The following NRG4 variants were observed in gnomAD, a reference collection of about 807,000 sequenced individuals.
NRG4 encodes the protein neuregulin 4, also known as pro-neuregulin-4, membrane-bound isoform.
Under a neutral mutation model 15.0 loss-of-function variants are expected in NRG4, and 10 were observed. The ratio of observed to expected loss-of-function variants is 0.67; its 90% CI spans 0.41 to 1.13. The LOEUF (loss-of-function observed/expected upper bound fraction) is 1.13. Among genes scored for constraint, NRG4 ranks in the 50% most tolerant of loss-of-function variants. NRG4 has a pLI of 0.00. For synonymous variants in NRG4, 41 were observed against 50.1 expected (o/e 0.82, Z 0.77); for missense variants, 139 against 140.2 (o/e 0.99, Z 0.04).
In NRG4 at chr15:76,019,769, G is replaced by A. The variant is rs1028090395; in HGVS notation, c.-56-8483C>T. Among the ~76,000 whole-genome samples, 5 of 120,320 alleles carry A rather than the reference G, an allele frequency of 4.2e-5. No homozygotes were observed. The East Asian group carries it at 1.0e-3, about 24-fold the overall frequency. The allele number at this position is 120,320 out of a possible 152,430, so 78.9% of individuals were successfully genotyped here. On this transcript the variant is annotated intron_variant, in intron 5 of 8. Coordinates refer to the NRG4 transcript ENST00000563910. ...TGTGTTGATCTCGCTGGGAGCTGCA[G>A]ACCAGAGCTGTTCCTATTCGGCCAT...
chr15:75,965,379 A>C (rs2032749745), intron 3 of NRG4, among the ~76,000 whole-genome samples: 1 of 152,244 alleles, frequency 6.6e-6, no homozygotes, highest in Non-Finnish European at 1.5e-5. Context: ...AAAGGCATAC[A>C]AAGTAAACCA....
At chr15:75,998,156 ATACT>A (rs1346050054) in intron 3 of NRG4, among the ~76,000 whole-genome samples, 1 of 152,216 alleles carries the variant, frequency 6.6e-6, no homozygotes, top group Non-Finnish European at 1.5e-5. Flanking sequence ...CACTCAACAG[ATACT>A]TACCGAAAAC....
chr15:75,996,452 C>T (rs749459572), intron 3 of NRG4, among the ~76,000 whole-genome samples: 1 of 152,022 alleles, frequency 6.6e-6, no homozygotes, highest in African/African-American at 2.4e-5. Context: ...ACAAATGAGC[C>T]TTGCTTTTTA....
At position 75,956,016 on chromosome 15, in the gene NRG4, C is replaced by T. The variant is rs1272875171; in HGVS notation, c.252-5G>A. On this transcript the variant is annotated splice_region_variant and splice_polypyrimidine_tract_variant and intron_variant, in intron 4 of 5. Transcript: ENST00000394907. ...GCTCTCTGAAAGTGGCCTTTCCTGA[C>T]AATAAAGAGGAGAGAAACACAAAAA... 2 of 1,575,554 alleles carry T rather than the reference C, an allele frequency of 1.3e-6. No homozygotes were observed. Among genetic ancestry groups the T allele is most frequent in the Non-Finnish European group, 1.7e-6 (2 of 1,146,102 alleles).
At chr15:75,971,792 A>G (rs566824467) in intron 3 of NRG4, among the ~76,000 whole-genome samples, 2 of 152,322 alleles carry the variant, frequency 1.3e-5, no homozygotes, top group Admixed American at 6.5e-5. Context: ...TAAGTTCATA[A>G]TAAGAGTAAA....
rs562599362 is a variant in NRG4 at position 75,945,249 on chromosome 15, A to T, written c.332-1595T>A. On this transcript the variant is annotated intron_variant, in intron 5 of 5. Coordinates refer to ENST00000394907, the MANE Select transcript of NRG4 (RefSeq NM_138573.4). ...AATCTTTCCATTCTCTGATATATAT[A>T]TTTTTTATCATTTATTTTTATTTTA... Among the ~76,000 whole-genome samples the T allele has an allele frequency of 2.7e-3, 375 of 136,992 alleles. 3 individuals are homozygous for T. The highest frequency in any genetic ancestry group is 9.6e-3 in the African/African-American group (356 of 37,220). 89.9% of individuals were successfully genotyped at this position (136,992 alleles called of 152,430 possible).
chr15:76,039,510 T>C (rs1477167215), intron 4 of NRG4, among the ~76,000 whole-genome samples: 1 of 152,114 alleles, frequency 6.6e-6, no homozygotes, highest in Non-Finnish European at 1.5e-5. Context: ...AATAGTAGAA[T>C]TGATCAAGCA....
rs180956494 is a variant in NRG4 at position 75,977,742 on chromosome 15, C to T, written c.105-15768G>A. Among the ~76,000 whole-genome samples, 1 of 152,308 alleles carries T rather than the reference C, an allele frequency of 6.6e-6. No individual in the cohort carries two copies. The highest frequency in any genetic ancestry group is 2.4e-5 in the African/African-American group (1 of 41,582). On this transcript the variant is annotated intron_variant, in intron 3 of 5. Coordinates refer to ENST00000394907, the MANE Select transcript of NRG4 (RefSeq NM_138573.4). This position sits in a 1 kb window ranked among gnomAD's most constrained non-coding sequence, Gnocchi z 4.9. ...ATTGGTCTCGCTGGGAGCTGCAGAC[C>T]AGAGCTGTTCCTATTTGGCCATCTT... is the stretch of plus-strand genomic sequence containing the variant.
chr15:75,956,706 G>A (rs1045015952), intron 4 of NRG4, among the ~76,000 whole-genome samples: 35 of 151,990 alleles, frequency 2.3e-4, no homozygotes, highest in African/African-American at 8.0e-4. Flanking sequence ...AGCATTAGTG[G>A]GGTATCATTT....
chr15:76,032,874 A>G (rs2035507920), intron 5 of NRG4, among the ~76,000 whole-genome samples: 2 of 152,246 alleles, frequency 1.3e-5, no homozygotes, highest in South Asian at 2.1e-4. Context: ...TTAGAGTAAA[A>G]TATCACTTTG....
chr15:75,959,653 C>G (rs2032420231), intron 4 of NRG4, among the ~76,000 whole-genome samples: 1 of 151,846 alleles, frequency 6.6e-6, no homozygotes, highest in Non-Finnish European at 1.5e-5. Flanking sequence ...TACCACCATG[C>G]CCTGCTAATT....
At position 75,990,262 on chromosome 15, in the gene NRG4, T is replaced by A. The variant is rs373475705; in HGVS notation, c.104+18938A>T. Among the ~76,000 whole-genome samples the A allele has an allele frequency of 2.2e-4, 34 of 152,284 alleles. No individual in the cohort carries two copies. The East Asian group carries it at 6.4e-3, about 29-fold the overall frequency. ...TTCTCTTACACAGCTTCCTCTTCTC[T>A]GGTAGTGCATCCACAAATTTCAGCC... On this transcript the variant is annotated intron_variant, in intron 3 of 5. Transcript: ENST00000394907.
chr15:76,034,659 G>A (rs1027645665), intron 5 of NRG4, among the ~76,000 whole-genome samples: 1 of 151,942 alleles, frequency 6.6e-6, no homozygotes, highest in African/African-American at 2.4e-5. Context: ...TTTAGGCCTG[G>A]GGATTCTTAT....
chr15:75,948,240 G>A (rs1292022348), intron 5 of NRG4, among the ~76,000 whole-genome samples: 1 of 152,066 alleles, frequency 6.6e-6, no homozygotes, highest in Non-Finnish European at 1.5e-5. Flanking sequence ...CCAATTTCAT[G>A]AAGCATTCCC....
chr15:75,991,892 T>C (rs1248476199), intron 3 of NRG4, among the ~76,000 whole-genome samples: 2 of 152,200 alleles, frequency 1.3e-5, no homozygotes, highest in Non-Finnish European at 2.9e-5. Context: ...TTAATATGTT[T>C]GTATGTTGGT....
At chr15:75,940,754 TA>T (rs2030872161), downstream of NRG4, 1 of 141,446 alleles carries the variant, frequency 7.1e-6, no homozygotes. Flanking sequence ...TTTCAACAAA[TA>T]ATGATGGGAA....
intron 4 of NRG4, among the ~76,000 whole-genome samples, chr15:75,960,859 T>C (rs931581755): frequency 6.6e-6 from 1 of 152,218 alleles, no homozygotes; most frequent in African/African-American, 2.4e-5. Flanking sequence ...AGTCAGATGC[T>C]AAAATTATGA....
chr15:76,002,813 A>G lies in NRG4; in HGVS notation c.104+6387T>C, dbSNP rs114117195. 1.3e-3 allele frequency among the ~76,000 whole-genome samples: 191 copies of G among 152,298 alleles called. 2 individuals carry two copies. The highest frequency in any genetic ancestry group is 4.5e-3 in the African/African-American group (186 of 41,570). ...TAAACTTATGTACATGTAATAATTA[A>G]CATAGCTTCAAAATATATAAAGTAA... On this transcript the variant is annotated intron_variant, in intron 3 of 5. Transcript: ENST00000394907.
intron 3 of NRG4, among the ~76,000 whole-genome samples, chr15:75,994,325 C>G (rs1435709206): frequency 6.6e-6 from 1 of 152,152 alleles, no homozygotes; most frequent in African/African-American, 2.4e-5. Flanking sequence ...TCAGGCTCCC[C>G]CTCTGTGGCC....
Sources: gnomAD v4.1 joint callset for allele counts (sites outside exome capture counted in the v4.1 genomes callset) on GRCh38, gnomAD v4.1.1 for gene constraint, Gnocchi (gnomAD v3.1) non-coding constraint, MANE v1.5 for transcripts, NCBI Gene and HGNC (gene_info 2026-07-23, HGNC 2026-07-21) for gene names.